The following PRH1 variants were observed in gnomAD, a reference collection of about 807,000 sequenced individuals.
PRH1 encodes proline rich protein HaeIII subfamily 1.
In PRH1, 7 loss-of-function variants were observed where a neutral mutation model predicts 7.9. That is an observed-to-expected ratio of 0.89 (90% confidence interval 0.50 to 1.67). PRH1 has a LOEUF of 1.67. Ranked by LOEUF, PRH1 falls within the 40% of genes most tolerant of loss-of-function variation. The probability of loss-of-function intolerance (pLI) is 0.00; values close to 1 mark genes in which losing one functional copy is unlikely to be tolerated. For missense variants in PRH1, 109 were observed against 223.6 expected (o/e 0.49, Z 3.27); for synonymous variants, 45 against 80.8 (o/e 0.56, Z 2.38).
intron 1 of PRH1, among the ~76,000 whole-genome samples, chr12:11,111,715 T>C (rs1565664164): frequency 6.6e-6 from 1 of 152,100 alleles, no homozygotes; most frequent in Non-Finnish European, 1.5e-5. Context: ...GATCTAAAGT[T>C]GACACCCTAG....
At chr12:11,167,512 T>C (rs1268639666) in intron 1 of PRH1, among the ~76,000 whole-genome samples, 1 of 151,376 alleles carries the variant, frequency 6.6e-6, no homozygotes, top group African/African-American at 2.4e-5. Context: ...TGGCCCCATC[T>C]CGGCTCACTG....
At chr12:10,996,410 TA>T (rs1043012165) in intron 1 of PRH1, 2 of 151,366 alleles carry the variant, frequency 1.3e-5, no homozygotes, top group Non-Finnish European at 2.9e-5. Context: ...GATTTAGAAT[TA>T]AATGTCCTTA....
At chr12:10,999,090 A>G (rs745453319) in intron 1 of PRH1, among the ~76,000 whole-genome samples, 2 of 152,124 alleles carry the variant, frequency 1.3e-5, no homozygotes, top group African/African-American at 2.4e-5. Flanking sequence ...GCCATCCACC[A>G]AACCCCAGCT....
chr12:10,896,518 T>C (rs1949647008), intron 2 of PRH1, among the ~76,000 whole-genome samples: 1 of 152,060 alleles, frequency 6.6e-6, no homozygotes. Flanking sequence ...TCCCAGCACT[T>C]TGGAAGGCCA....
intron 1 of PRH1, among the ~76,000 whole-genome samples, chr12:11,136,082 C>G (rs1839564): frequency 0.027 from 4,180 of 152,180 alleles, 85 homozygotes; most frequent in Admixed American, 0.075. Flanking sequence ...CTTTCCAACC[C>G]CCTAAACCCT....
At chr12:11,080,872 T>G (rs1944475854) in intron 1 of PRH1, among the ~76,000 whole-genome samples, 1 of 117,938 alleles carries the variant, frequency 8.5e-6, no homozygotes, top group Non-Finnish European at 2.0e-5. Flanking sequence ...TATTTTCTGT[T>G]AAAATCAGGT....
At chr12:11,013,682 C>A (rs1369763234) in intron 1 of PRH1, among the ~76,000 whole-genome samples, 1 of 150,920 alleles carries the variant, frequency 6.6e-6, no homozygotes. Context: ...GCTGGGCTAC[C>A]CTCAATCTCA....
At chr12:10,981,883 C>T (rs7307363) in intron 1 of PRH1, among the ~76,000 whole-genome samples, 30,534 of 118,078 alleles carry the variant, frequency 0.26, 3,703 homozygotes, top group Non-Finnish European at 0.33. Flanking sequence ...TTTTTTTTTA[C>T]AGATTCTTAC....
At chr12:11,016,482 A>C (rs893532745) in intron 1 of PRH1, among the ~76,000 whole-genome samples, 1 of 152,138 alleles carries the variant, frequency 6.6e-6, no homozygotes, top group African/African-American at 2.4e-5. Flanking sequence ...ACCATGCCAA[A>C]CTAATTTTTT....
intron 1 of PRH1, chr12:11,022,339 A>C (rs1941693951): frequency 1.2e-6 from 2 of 1,614,082 alleles, no homozygotes; most frequent in African/African-American, 2.7e-5. Context: ...TCTTACTTCT[A>C]AACCATATAA....
At chr12:10,976,404 TG>T (rs1939099620) in intron 1 of PRH1, among the ~76,000 whole-genome samples, 1 of 152,214 alleles carries the variant, frequency 6.6e-6, no homozygotes, top group Non-Finnish European at 1.5e-5. Flanking sequence ...CCAGAATTTC[TG>T]GGATATAGCT....
At chr12:10,949,006 T>TGG (rs1193528849) in intron 2 of PRH1, among the ~76,000 whole-genome samples, 1 of 152,176 alleles carries the variant, frequency 6.6e-6, no homozygotes, top group Non-Finnish European at 1.5e-5. Context: ...GTTGCAGCCA[T>TGG]GTTCCCTCTC....
chr12:11,020,538 T>A (rs796854610), intron 1 of PRH1, among the ~76,000 whole-genome samples: 283 of 29,506 alleles, frequency 9.6e-3, no homozygotes, highest in East Asian at 0.055. Context: ...GCTGTACATT[T>A]CCTTCTTATA....
chr12:11,141,338 T>C (rs1946697901), intron 1 of PRH1, among the ~76,000 whole-genome samples: 1 of 152,232 alleles, frequency 6.6e-6, no homozygotes, highest in Admixed American at 6.5e-5. Flanking sequence ...ACGTTTTCCA[T>C]TGAAGAGTCT....
At chr12:10,929,570 G>A (rs1442362651) in intron 2 of PRH1, among the ~76,000 whole-genome samples, 1 of 152,150 alleles carries the variant, frequency 6.6e-6, no homozygotes, top group African/African-American at 2.4e-5. Flanking sequence ...GTGAGAGAGT[G>A]AGATTTGCAT....
At chr12:11,140,842 T>A (rs1372007824) in intron 1 of PRH1, among the ~76,000 whole-genome samples, 1 of 152,146 alleles carries the variant, frequency 6.6e-6, no homozygotes, top group African/African-American at 2.4e-5. Context: ...GCCTGGTGAA[T>A]GGAGCTTGAG....
At chr12:11,103,734 G>T (rs36057066) in intron 1 of PRH1, among the ~76,000 whole-genome samples, 32,030 of 151,622 alleles carry the variant, frequency 0.21, 3,965 homozygotes, top group Non-Finnish European at 0.27. Flanking sequence ...ACAAAATCTC[G>T]TGTTAAGCCA....
Position 11,076,756 on chromosome 12 carries a change from A to T in PRH1, n.124-29568T>A, listed in dbSNP as rs1944307803. On this transcript the variant is annotated intron_variant and non_coding_transcript_variant, in intron 1 of 4. Coordinates refer to the PRH1 transcript ENST00000541977. ...TACTGTTTTTGGTATATATAAATAAAACTTACTCTACATATCTTTGTCACT... is the reference window on the plus strand; with the variant it reads ...TACTGTTTTTGGTATATATAAATAATACTTACTCTACATATCTTTGTCACT... 2 of 115,178 alleles carry T rather than the reference A, an allele frequency of 1.7e-5. 1 individual carries two copies. The highest frequency in any genetic ancestry group is 1.8e-4 in the Admixed American group (2 of 11,416). The allele number at this position is 115,178 out of a possible 1,614,324, so 7.1% of individuals were successfully genotyped here. A position where few individuals can be genotyped will look rare whatever the true frequency, so the allele number is the denominator to read the frequency against.
chr12:11,033,292 G>A (rs1475216393), intron 1 of PRH1, among the ~76,000 whole-genome samples: 7 of 152,192 alleles, frequency 4.6e-5, no homozygotes, highest in East Asian at 1.9e-4. Flanking sequence ...GCATGAACCC[G>A]GGAGGCGGAG....
Sources: gnomAD v4.1 joint callset for allele counts (sites outside exome capture counted in the v4.1 genomes callset) on GRCh38, gnomAD v4.1.1 for gene constraint, MANE v1.5 for transcripts, NCBI Gene and HGNC (gene_info 2026-07-23, HGNC 2026-07-21) for gene names.